The following CNIH3 variants were observed in gnomAD, a reference collection of about 807,000 sequenced individuals.
The protein encoded by CNIH3 is protein cornichon homolog 3.
CNIH3 carries 14 observed loss-of-function variants against 24.1 expected under a neutral mutation model. The ratio of observed to expected loss-of-function variants is 0.58; its 90% CI spans 0.38 to 0.91. CNIH3 has a LOEUF of 0.91. CNIH3 is among the 40% of genes least tolerant of loss of function. The pLI is 0.00. For missense variants in CNIH3, 178 were observed against 196.8 expected, an observed-to-expected ratio of 0.90 and a Z score of 0.57; for synonymous variants, 68 against 73.8, an observed-to-expected ratio of 0.92 and a Z score of 0.40.
intron 1 of CNIH3, among the ~76,000 whole-genome samples, chr1:224,647,470 C>T (rs1330533452): frequency 2.0e-5 from 3 of 152,114 alleles, no homozygotes; most frequent in Non-Finnish European, 4.4e-5. Flanking sequence ...GCCTGGGTGT[C>T]GGGGTGGAGA....
At chr1:224,679,857 C>T (rs1686315577) in intron 1 of CNIH3, among the ~76,000 whole-genome samples, 1 of 152,146 alleles carries the variant, frequency 6.6e-6, no homozygotes, top group South Asian at 2.1e-4. Context: ...TTCAGGGACC[C>T]CTGGGATGTG....
chr1:224,603,985 A>T (rs1682313306), intron 3 of CNIH3, among the ~76,000 whole-genome samples: 1 of 152,262 alleles, frequency 6.6e-6, no homozygotes, highest in Admixed American at 6.5e-5. Context: ...TGCAACTTAC[A>T]CAAGAATTAC....
chr1:224,660,712 T>C (rs747534146), intron 1 of CNIH3, among the ~76,000 whole-genome samples: 9 of 152,234 alleles, frequency 5.9e-5, no homozygotes, highest in Non-Finnish European at 1.0e-4. Flanking sequence ...GCCAGAAGTA[T>C]ATTACCATTA....
chr1:224,538,106 C>G (rs576875799), downstream of CNIH3, among the ~76,000 whole-genome samples: 15 of 152,046 alleles, frequency 9.9e-5, no homozygotes, highest in African/African-American at 3.4e-4. Flanking sequence ...GCCACCGTGC[C>G]TGGCTAATTT....
chr1:224,459,881 A>T (rs1056710972), intron 1 of CNIH3, among the ~76,000 whole-genome samples: 22 of 136,146 alleles, frequency 1.6e-4, no homozygotes, highest in Non-Finnish European at 2.5e-4. Context: ...TGGAACCCCT[A>T]TTTTTTTTTT....
intron 1 of CNIH3, among the ~76,000 whole-genome samples, chr1:224,445,517 A>G (rs1168315277): frequency 6.7e-6 from 1 of 149,488 alleles, no homozygotes; most frequent in Non-Finnish European, 1.5e-5. Flanking sequence ...TGGAGGTTGC[A>G]ATGAGCTGAG....
chr1:224,490,755 G>A (rs1476094365), intron 1 of CNIH3, among the ~76,000 whole-genome samples: 1 of 152,142 alleles, frequency 6.6e-6, no homozygotes, highest in Admixed American at 6.6e-5. Context: ...AACTTCAGCG[G>A]AATTAAATTT....
intron 3 of CNIH3, among the ~76,000 whole-genome samples, chr1:224,697,878 A>G (rs1687258078): frequency 6.6e-6 from 1 of 152,272 alleles, no homozygotes; most frequent in African/African-American, 2.4e-5. Context: ...GCCCCTCTCT[A>G]AAGGTAAAAC....
intron 1 of CNIH3, among the ~76,000 whole-genome samples, chr1:224,621,011 C>T (rs1263439361): frequency 6.6e-6 from 1 of 152,236 alleles, no homozygotes; most frequent in Non-Finnish European, 1.5e-5. Flanking sequence ...TATATAAACA[C>T]AGATGAAGCT....
At chr1:224,568,157 G>A (rs1558167647) in intron 4 of CNIH3, among the ~76,000 whole-genome samples, 1 of 152,108 alleles carries the variant, frequency 6.6e-6, no homozygotes, top group East Asian at 1.9e-4. Flanking sequence ...GGGCATGGTG[G>A]CACGTGCCTG....
chr1:224,666,558 T>G (rs1162313592), intron 1 of CNIH3, among the ~76,000 whole-genome samples: 1 of 152,150 alleles, frequency 6.6e-6, no homozygotes, highest in East Asian at 1.9e-4. Context: ...GCACTTGTCT[T>G]AGGAGCCCAT....
intron 1 of CNIH3, among the ~76,000 whole-genome samples, chr1:224,474,167 C>T (rs1026321364): frequency 2.0e-5 from 3 of 151,932 alleles, no homozygotes; most frequent in Admixed American, 6.6e-5. Context: ...GAGTTCAAGA[C>T]CAGCCTGACC....
chr1:224,690,712 G>A (rs1323387727), intron 3 of CNIH3, among the ~76,000 whole-genome samples: 1 of 152,214 alleles, frequency 6.6e-6, no homozygotes, highest in Non-Finnish European at 1.5e-5. Context: ...AAGCTGTAGT[G>A]GGTGGATTAT....
chr1:224,463,773 A>ATTTTTTTTTTTTTTTTTTTTTTTTTT (rs56137320), intron 1 of CNIH3, among the ~76,000 whole-genome samples: 2 of 20,706 alleles, frequency 9.7e-5, no homozygotes, highest in African/African-American at 2.6e-4. Context: ...AATTGTCCTC[A>ATTTTTTTTTTTTTTTTTTTTTTTTTT]TTTTTTTTTT....
intron 1 of CNIH3, among the ~76,000 whole-genome samples, chr1:224,497,493 A>G (rs899244140): frequency 6.6e-6 from 1 of 152,274 alleles, no homozygotes; most frequent in African/African-American, 2.4e-5. Context: ...TACTTGTGGC[A>G]TCATCTTCAC....
At chr1:224,633,088 T>C (rs1478010308) in intron 1 of CNIH3, among the ~76,000 whole-genome samples, 1 of 152,136 alleles carries the variant, frequency 6.6e-6, no homozygotes, top group Non-Finnish European at 1.5e-5. Context: ...TCTCCTGTCG[T>C]GGTTTGTCTC....
intron 3 of CNIH3, among the ~76,000 whole-genome samples, chr1:224,695,394 A>ACC (rs1039113118): frequency 8.0e-6 from 1 of 124,312 alleles, no homozygotes; most frequent in East Asian, 2.4e-4. Context: ...ACACACACAC[A>ACC]CCCCTGTTGG....
chr1:224,494,350 T>C (rs1429129897), intron 1 of CNIH3, among the ~76,000 whole-genome samples: 2 of 152,176 alleles, frequency 1.3e-5, no homozygotes, highest in African/African-American at 4.8e-5. Flanking sequence ...GTCCTCTTGA[T>C]TTATCCCTGT....
At chr1:224,481,017 A>G (rs1572334174) in intron 1 of CNIH3, among the ~76,000 whole-genome samples, 1 of 152,242 alleles carries the variant, frequency 6.6e-6, no homozygotes, top group Admixed American at 6.5e-5. Flanking sequence ...TTTACAAAAG[A>G]AAGAGGTTTA....
Sources: allele counts gnomAD v4.1 joint callset (sites outside exome capture counted in the v4.1 genomes callset), GRCh38; gene constraint gnomAD v4.1.1; transcripts MANE v1.5; gene names NCBI Gene and HGNC (gene_info 2026-07-23, HGNC 2026-07-21).